SAMD4A: variants seen among roughly 807,000 people sequenced by gnomAD.
The protein encoded by SAMD4A is sterile alpha motif domain containing 4A, also known as protein Smaug homolog 1.
A neutral mutation model predicts 81.3 loss-of-function variants in SAMD4A; 33 were observed. That is an observed-to-expected ratio of 0.41 (90% confidence interval 0.31 to 0.54). The LOEUF (loss-of-function observed/expected upper bound fraction) is 0.54. Among genes scored for constraint, SAMD4A ranks in the 20% least tolerant of loss-of-function variants. SAMD4A has a pLI of 0.37. For synonymous variants in SAMD4A, 389 were observed against 382.1 expected, an observed-to-expected ratio of 1.02 and a Z score of -0.21; for missense variants, 854 against 951.1, an observed-to-expected ratio of 0.90 and a Z score of 1.34.
chr14:54,591,923 A>G (rs541042231), intron 2 of SAMD4A, among the ~76,000 whole-genome samples: 21 of 152,166 alleles, frequency 1.4e-4, no homozygotes, highest in African/African-American at 4.6e-4. Flanking sequence ...TTGCAGCCAT[A>G]TGTCTCACCA....
At chr14:54,583,658 C>A (rs987680503) in intron 2 of SAMD4A, among the ~76,000 whole-genome samples, 16 of 152,046 alleles carry the variant, frequency 1.1e-4, no homozygotes, top group Non-Finnish European at 1.6e-4. Flanking sequence ...ACTAAGTTAC[C>A]CACATTCTGA....
intron 2 of SAMD4A, chr14:54,700,992 A>ATTTTTT (rs1555344776): frequency 8.2e-6 from 1 of 121,650 alleles, no homozygotes; most frequent in Non-Finnish European, 1.8e-5. Flanking sequence ...TGAAACGGTG[A>ATTTTTT]ATTTTTTTTT....
intron 2 of SAMD4A, chr14:54,681,858 G>A (rs887619913): frequency 1.0e-6 from 1 of 985,288 alleles, no homozygotes; most frequent in African/African-American, 1.7e-5. Flanking sequence ...CAAAAGATAA[G>A]CGGTTTAAGT....
chr14:54,610,173 G>A (rs1323260762), intron 2 of SAMD4A, among the ~76,000 whole-genome samples: 2 of 152,138 alleles, frequency 1.3e-5, no homozygotes, highest in African/African-American at 4.8e-5. Context: ...TTCCCAAAAT[G>A]AACACGAGTT....
intron 2 of SAMD4A, among the ~76,000 whole-genome samples, chr14:54,630,216 A>G (rs1309932391): frequency 6.6e-6 from 1 of 152,172 alleles, no homozygotes; most frequent in Admixed American, 6.5e-5. Flanking sequence ...GCTGGATCAT[A>G]TGGTGATTCT....
chr14:54,664,015 C>T (rs1388995100), intron 2 of SAMD4A, among the ~76,000 whole-genome samples: 2 of 152,024 alleles, frequency 1.3e-5, no homozygotes, highest in Non-Finnish European at 2.9e-5. Flanking sequence ...AGAGCTGTCT[C>T]GAAAATTATA....
intron 3 of SAMD4A, among the ~76,000 whole-genome samples, chr14:54,719,074 C>T (rs569936644): frequency 3.5e-4 from 54 of 152,194 alleles, no homozygotes; most frequent in African/African-American, 1.3e-3. Context: ...TTTCCCCATT[C>T]CCCTTCCTTC....
intron 2 of SAMD4A, among the ~76,000 whole-genome samples, chr14:54,687,077 G>A (rs2036292041): frequency 6.6e-6 from 1 of 152,074 alleles, no homozygotes; most frequent in Non-Finnish European, 1.5e-5. Context: ...GACTCCAAGG[G>A]GCTTGATCTC....
chr14:54,665,267 A>G (rs2035733094), intron 2 of SAMD4A, among the ~76,000 whole-genome samples: 2 of 152,236 alleles, frequency 1.3e-5, no homozygotes, highest in Non-Finnish European at 2.9e-5. Context: ...AACAGGTATG[A>G]TCATTGGATT....
intron 2 of SAMD4A, among the ~76,000 whole-genome samples, chr14:54,645,624 T>A (rs1316153165): frequency 6.6e-6 from 1 of 152,214 alleles, no homozygotes; most frequent in African/African-American, 2.4e-5. Flanking sequence ...GAGAATATAT[T>A]TGAATTGTGA....
intron 2 of SAMD4A, chr14:54,685,565 G>C (rs2036245208): frequency 2.5e-6 from 1 of 401,494 alleles, no homozygotes; most frequent in African/African-American, 2.1e-5. Context: ...GTGAACATTG[G>C]TACGCTAGTA....
chr14:54,751,454 G>A lies in SAMD4A; in HGVS notation c.1093G>A (p.Val365Ile). 1.3e-6 allele frequency: 2 copies of A among 1,560,630 alleles called. No individual in the cohort carries two copies. Among genetic ancestry groups the A allele is most frequent in the Non-Finnish European group, 1.8e-6 (2 of 1,139,078 alleles). ...LTECQLEAQN[V>I]TKGARHKIVI... is the part of the protein sequence containing the mutation. ...GTAACTTGTTATTTAATTACAGAATGTTACCAAAGGTGCAAGACACAAAAT... is the reference window on the plus strand; with the variant it reads ...GTAACTTGTTATTTAATTACAGAATATTACCAAAGGTGCAAGACACAAAAT... The change falls in exon 6 of 13, where the codon GTT (valine) becomes ATT (isoleucine). Residue 365 changes from valine to isoleucine, a missense_variant. Val to Ile is a conservative substitution (Grantham distance 29). Transcript: ENST00000554335.
intron 5 of SAMD4A, among the ~76,000 whole-genome samples, chr14:54,750,054 T>C (rs561205827): frequency 3.3e-5 from 5 of 152,332 alleles, no homozygotes; most frequent in African/African-American, 1.2e-4. Flanking sequence ...TCTTTTTGGA[T>C]CTTGATTGCT....
chr14:54,669,445 C>CTTTTTTTTTTTT (rs11406251), intron 2 of SAMD4A, among the ~76,000 whole-genome samples: 1 of 103,312 alleles, frequency 9.7e-6, no homozygotes, highest in African/African-American at 3.8e-5. Flanking sequence ...ACGCTTCTTT[C>CTTTTTTTTTTTT]TTTTTTTTTT....
chr14:54,684,154 A>AG (rs1240134152), intron 2 of SAMD4A, among the ~76,000 whole-genome samples: 3 of 152,212 alleles, frequency 2.0e-5, no homozygotes, highest in Non-Finnish European at 4.4e-5. Context: ...ATTTTTTTCA[A>AG]GGGTGCTACC....
chr14:54,592,408 TATC>T (rs1400324810), intron 2 of SAMD4A, among the ~76,000 whole-genome samples: 3 of 152,190 alleles, frequency 2.0e-5, no homozygotes, highest in African/African-American at 7.2e-5. Context: ...CTTTCCTGTC[TATC>T]ATTTTGCTTA....
At chr14:54,606,506 G>C (rs935495521) in intron 2 of SAMD4A, among the ~76,000 whole-genome samples, 4 of 152,194 alleles carry the variant, frequency 2.6e-5, no homozygotes, top group African/African-American at 7.2e-5. Flanking sequence ...GGCTGCACTT[G>C]AGGCTGCAGG....
intron 2 of SAMD4A, among the ~76,000 whole-genome samples, chr14:54,606,210 T>TGTGTGC (rs1039478105): frequency 8.0e-5 from 12 of 150,444 alleles, no homozygotes; most frequent in East Asian, 1.9e-4. Context: ...TGTGTGTGTG[T>TGTGTGC]GTGCGTGCAC....
chr14:54,592,426 C>G (rs1384745209), intron 2 of SAMD4A, among the ~76,000 whole-genome samples: 1 of 152,062 alleles, frequency 6.6e-6, no homozygotes, highest in Non-Finnish European at 1.5e-5. Context: ...TGCTTATTAC[C>G]GAAGTGAAAC....
Sources: allele counts gnomAD v4.1 joint callset (sites outside exome capture counted in the v4.1 genomes callset), GRCh38; gene constraint gnomAD v4.1.1; transcripts MANE v1.5; gene names NCBI Gene and HGNC (gene_info 2026-07-23, HGNC 2026-07-21).